ZMAT4: variants seen among roughly 807,000 people sequenced by gnomAD.
ZMAT4 encodes zinc finger matrin-type 4.
In ZMAT4, 17 loss-of-function variants were observed where a neutral mutation model predicts 28.7. The ratio of observed to expected loss-of-function variants is 0.59; its 90% CI spans 0.41 to 0.89. The LOEUF is 0.89. ZMAT4 is among the 40% of genes least tolerant of loss of function. The pLI is 0.00. For missense variants in ZMAT4, 240 were observed against 283.8 expected (o/e 0.85, Z 1.11); for synonymous variants, 117 against 109.2 (o/e 1.07, Z -0.44).
chr8:40,786,672 T>C (rs1586049509), intron 2 of ZMAT4: 4 of 1,286,252 alleles, frequency 3.1e-6, no homozygotes, highest in Non-Finnish European at 2.0e-6. Flanking sequence ...ATTCAGTCCT[T>C]GTGCCTCCCA....
At chr8:40,610,049 C>A (rs920827728) in intron 5 of ZMAT4, among the ~76,000 whole-genome samples, 5 of 152,114 alleles carry the variant, frequency 3.3e-5, no homozygotes, top group African/African-American at 1.2e-4. Flanking sequence ...GTAACAGATT[C>A]TAATTGGTGA....
intron 2 of ZMAT4, among the ~76,000 whole-genome samples, chr8:40,798,005 C>T (rs1814668457): frequency 6.6e-6 from 1 of 152,200 alleles, no homozygotes; most frequent in Non-Finnish European, 1.5e-5. Context: ...ATGCCCTTCA[C>T]TCTTCTCCAG....
intron 3 of ZMAT4, among the ~76,000 whole-genome samples, chr8:40,720,488 A>G (rs1811034824): frequency 6.6e-6 from 1 of 151,174 alleles, no homozygotes; most frequent in Non-Finnish European, 1.5e-5. Flanking sequence ...GCTAGATCAC[A>G]GGCCAGATAA....
At chr8:40,761,400 C>G (rs951212343) in intron 3 of ZMAT4, among the ~76,000 whole-genome samples, 3 of 152,170 alleles carry the variant, frequency 2.0e-5, no homozygotes, top group Non-Finnish European at 4.4e-5. Flanking sequence ...ATTGTTCCCT[C>G]TAAGGCTTTG....
At chr8:40,628,323 T>G (rs1806449317) in intron 5 of ZMAT4, among the ~76,000 whole-genome samples, 2 of 152,218 alleles carry the variant, frequency 1.3e-5, no homozygotes, top group African/African-American at 4.8e-5. Context: ...AAAAGATTGT[T>G]AACACTGAAT....
chr8:40,746,302 CTTCCTTTCCTTTCCT>C (rs545809333), intron 3 of ZMAT4, among the ~76,000 whole-genome samples: 33 of 70,530 alleles, frequency 4.7e-4, no homozygotes, highest in African/African-American at 1.7e-3. Flanking sequence ...TTCTTTCTCC[CTTCCTTTCCTTTCCT>C]TTCCTTTCCT....
At chr8:40,859,742 C>T (rs1817425128) in intron 1 of ZMAT4, among the ~76,000 whole-genome samples, 8 of 151,986 alleles carry the variant, frequency 5.3e-5, no homozygotes, top group Admixed American at 5.2e-4. Flanking sequence ...AACCAAGCTT[C>T]TAAAAGAGCC....
At chr8:40,575,743 T>TA (rs1804243165) in intron 6 of ZMAT4, among the ~76,000 whole-genome samples, 1 of 151,292 alleles carries the variant, frequency 6.6e-6, no homozygotes, top group African/African-American at 2.4e-5. Context: ...TGTAGAGACA[T>TA]AAAAAACATG....
chr8:40,720,441 A>AGG (rs1288045716), intron 3 of ZMAT4, among the ~76,000 whole-genome samples: 1 of 152,048 alleles, frequency 6.6e-6, no homozygotes, highest in African/African-American at 2.4e-5. Flanking sequence ...TCTGACTTAC[A>AGG]GGACAAGGCA....
At chr8:40,724,768 A>T (rs914458320) in intron 3 of ZMAT4, among the ~76,000 whole-genome samples, 3 of 152,172 alleles carry the variant, frequency 2.0e-5, no homozygotes, top group African/African-American at 4.8e-5. Context: ...GGACTTGGCC[A>T]AGCCTATGTG....
At chr8:40,751,596 C>T (rs1812453367) in intron 3 of ZMAT4, among the ~76,000 whole-genome samples, 1 of 152,084 alleles carries the variant, frequency 6.6e-6, no homozygotes, top group East Asian at 1.9e-4. Flanking sequence ...TACATTTCAA[C>T]CTGAGATCTG....
intron 1 of ZMAT4, among the ~76,000 whole-genome samples, chr8:40,870,139 G>A (rs141681343): frequency 6.6e-6 from 1 of 152,200 alleles, no homozygotes; most frequent in South Asian, 2.1e-4. Context: ...ATGAGTGAAT[G>A]TATCTGTACC....
At chr8:40,744,370 G>A (rs1282069220) in intron 3 of ZMAT4, among the ~76,000 whole-genome samples, 1 of 152,194 alleles carries the variant, frequency 6.6e-6, no homozygotes, top group Non-Finnish European at 1.5e-5. Flanking sequence ...AGACACATCT[G>A]CAGGTGTCCA....
In ZMAT4 at chr8:40,845,776, TAAAAAAAAA is replaced by T. The variant is rs71224858; in HGVS notation, c.-4-20105_-4-20097del. Among the ~76,000 whole-genome samples, 35 of 129,634 alleles carry T rather than the reference TAAAAAAAAA, an allele frequency of 2.7e-4. 1 individual carries two copies. The highest frequency in any genetic ancestry group is 5.2e-4 in the Non-Finnish European group (33 of 63,902). The allele number at this position is 129,634 out of a possible 152,430, so 85.0% of individuals were successfully genotyped here. ...TCACTAGTTCAATACACTTAGTAGT[TAAAAAAAAA>T]AAAAAAAAAAAAGAGAGAGAGACTA... On this transcript the variant is annotated intron_variant, in intron 1 of 6. Transcript: ENST00000297737.
chr8:40,620,987 T>A (rs998822070), intron 5 of ZMAT4, among the ~76,000 whole-genome samples: 1 of 152,236 alleles, frequency 6.6e-6, no homozygotes, highest in Admixed American at 6.5e-5. Context: ...CTTATTTATA[T>A]TCTAATATTA....
At chr8:40,819,916 T>C (rs1347761446) in intron 2 of ZMAT4, among the ~76,000 whole-genome samples, 1 of 151,876 alleles carries the variant, frequency 6.6e-6, no homozygotes, top group Non-Finnish European at 1.5e-5. Context: ...TATATGTTCA[T>C]ATATATATAT....
chr8:40,571,912 T>G lies in ZMAT4; in HGVS notation c.674+9253A>C, dbSNP rs761193268. Reference sequence around the variant, plus strand: ...ATGCTTTCTCATGAAAAGCACAATATCGAAGTCTCAGGTTTCTTGGTTATT... The same window carrying G: ...ATGCTTTCTCATGAAAAGCACAATAGCGAAGTCTCAGGTTTCTTGGTTATT... On this transcript the variant is annotated intron_variant, in intron 6 of 6. Coordinates refer to ENST00000297737, the MANE Select transcript of ZMAT4 (RefSeq NM_024645.3). 2.2e-4 allele frequency among the ~76,000 whole-genome samples: 33 copies of G among 152,152 alleles called. 1 individual carries two copies. The highest frequency in any genetic ancestry group is 2.0e-4 in the Admixed American group (3 of 15,270).
In ZMAT4 at chr8:40,856,151, T is replaced by C. The variant is rs117830840; in HGVS notation, c.-4-30471A>G. ...AATGAAGTTTAAATCATGCGGCTAC[T>C]GATCTCTGCATTTGTGTTTGTCTTA... is the stretch of plus-strand genomic sequence containing the variant. On this transcript the variant is annotated intron_variant, in intron 1 of 6. Coordinates refer to ENST00000297737, the MANE Select transcript of ZMAT4 (RefSeq NM_024645.3). Among the ~76,000 whole-genome samples, 262 of 152,334 alleles carry C rather than the reference T, an allele frequency of 1.7e-3. 5 individuals are homozygous for C. The East Asian group carries it at 0.042, about 24-fold the overall frequency.
At chr8:40,593,380 G>C (rs1048773502) in intron 5 of ZMAT4, among the ~76,000 whole-genome samples, 1 of 152,078 alleles carries the variant, frequency 6.6e-6, no homozygotes, top group Non-Finnish European at 1.5e-5. Flanking sequence ...ATGTATGCAG[G>C]GCACAATGAA....
Sources: gnomAD v4.1 joint callset for allele counts (sites outside exome capture counted in the v4.1 genomes callset) on GRCh38, gnomAD v4.1.1 for gene constraint, MANE v1.5 for transcripts, NCBI Gene and HGNC (gene_info 2026-07-23, HGNC 2026-07-21) for gene names.